Variants in ERBB4 observed in about 807,000 individuals in gnomAD.
ERBB4 encodes receptor tyrosine-protein kinase erbB-4.
In ERBB4, 42 loss-of-function variants were observed where a neutral mutation model predicts 158.0. The observed-to-expected ratio is 0.27, with a 90% CI of 0.21 to 0.34. ERBB4 has a LOEUF of 0.34. Among genes scored for constraint, ERBB4 ranks in the 10% least tolerant of loss-of-function variants. The pLI, the probability that ERBB4 is intolerant of heterozygous loss-of-function variation, is 1.00. For synonymous variants in ERBB4, 583 were observed against 558.7 expected, an observed-to-expected ratio of 1.04 and a Z score of -0.61; for missense variants, 1,333 against 1,624.1, an observed-to-expected ratio of 0.82 and a Z score of 3.08.
At position 211,733,801 on chromosome 2, in the gene ERBB4, G is replaced by A. The variant is rs373987640; in HGVS notation, c.623-8607C>T. Among the ~76,000 whole-genome samples the A allele has an allele frequency of 1.5e-4, 23 of 151,460 alleles. No individual in the cohort carries two copies. The East Asian group carries it at 4.2e-3, about 28-fold the overall frequency. On this transcript the variant is annotated intron_variant, in intron 5 of 27. Coordinates refer to ENST00000342788, the MANE Select transcript of ERBB4 (RefSeq NM_005235.3). ...TTGCAATAAAAATACCCACAGAAGGGCCAGGAGTGGTGGCTCACACCTATA... is the reference window on the plus strand; with the variant it reads ...TTGCAATAAAAATACCCACAGAAGGACCAGGAGTGGTGGCTCACACCTATA...
At chr2:211,661,917 T>C (rs2105910311) in intron 15 of ERBB4, among the ~76,000 whole-genome samples, 1 of 147,754 alleles carries the variant, frequency 6.8e-6, no homozygotes, top group African/African-American at 2.5e-5. Context: ...CGGGCGCCTG[T>C]AGTCCCAGCT....
At chr2:211,923,974 G>A (rs537552789) in intron 3 of ERBB4, among the ~76,000 whole-genome samples, 9 of 152,090 alleles carry the variant, frequency 5.9e-5, no homozygotes, top group African/African-American at 1.7e-4. Flanking sequence ...GACTCACCTC[G>A]GCCTCCCAAA....
intron 3 of ERBB4, among the ~76,000 whole-genome samples, chr2:211,888,669 T>C (rs1021019446): frequency 6.6e-6 from 1 of 151,870 alleles, no homozygotes; most frequent in Non-Finnish European, 1.5e-5. Flanking sequence ...TGCCAGACAG[T>C]GGGCGCAGGC....
chr2:212,185,107 G>C (rs142748018), intron 1 of ERBB4, among the ~76,000 whole-genome samples: 1 of 150,498 alleles, frequency 6.6e-6, no homozygotes, highest in Admixed American at 6.6e-5. Flanking sequence ...TGCAACCTAC[G>C]CTTCCCTGGT....
chr2:212,399,573 T>A (rs180746567), intron 1 of ERBB4, among the ~76,000 whole-genome samples: 7 of 25,358 alleles, frequency 2.8e-4, no homozygotes, highest in South Asian at 1.3e-3. Flanking sequence ...TATATATATA[T>A]ATATATATAT....
At chr2:211,512,863 G>T (rs1048043434) in intron 20 of ERBB4, among the ~76,000 whole-genome samples, 1 of 152,084 alleles carries the variant, frequency 6.6e-6, no homozygotes, top group African/African-American at 2.4e-5. Context: ...CCTTCTAGGT[G>T]TCCATTGCCA....
chr2:212,340,276 A>G (rs1044840211), intron 1 of ERBB4, among the ~76,000 whole-genome samples: 1 of 152,086 alleles, frequency 6.6e-6, no homozygotes, highest in Non-Finnish European at 1.5e-5. Context: ...ATGGTCCCCA[A>G]CCTTTCGGGC....
At position 212,384,777 on chromosome 2, in the gene ERBB4, T is replaced by A. The variant is rs184143903; in HGVS notation, c.82+153672A>T. On this transcript the variant is annotated intron_variant, in intron 1 of 27. Coordinates refer to ENST00000342788, the MANE Select transcript of ERBB4 (RefSeq NM_005235.3). The stretch of plus-strand genomic sequence containing the variant: ...TAAAGGTAATGGGAACCAATATGGA[T>A]TTTCCTAAGAAAACATCTGGCAGTT... Among the ~76,000 whole-genome samples the A allele has an allele frequency of 1.7e-4, 25 of 151,218 alleles. No homozygotes were observed. In the East Asian group the frequency reaches 4.9e-3, roughly 29 times the overall value.
intron 3 of ERBB4, among the ~76,000 whole-genome samples, chr2:211,868,530 A>G (rs2078264696): frequency 6.6e-6 from 1 of 152,198 alleles, no homozygotes; most frequent in Non-Finnish European, 1.5e-5. Context: ...AAAGTATGAT[A>G]ATTGTGAATA....
At chr2:212,166,000 T>G (rs1408168642) in intron 1 of ERBB4, among the ~76,000 whole-genome samples, 1 of 152,106 alleles carries the variant, frequency 6.6e-6, no homozygotes, top group African/African-American at 2.4e-5. Flanking sequence ...TCTATTGTTT[T>G]GGTGACATAA....
At chr2:212,522,669 T>G (rs1173390269) in intron 1 of ERBB4, among the ~76,000 whole-genome samples, 1 of 151,980 alleles carries the variant, frequency 6.6e-6, no homozygotes, top group East Asian at 1.9e-4. Flanking sequence ...GCATTACCTT[T>G]ATTCATTGCC....
intron 1 of ERBB4, among the ~76,000 whole-genome samples, chr2:212,147,851 T>A (rs1210203060): frequency 1.3e-5 from 2 of 152,206 alleles, no homozygotes; most frequent in African/African-American, 4.8e-5. Context: ...AGTTTCTTCA[T>A]ATTTGCAATT....
intron 1 of ERBB4, among the ~76,000 whole-genome samples, chr2:212,335,310 A>T (rs1049387335): frequency 6.6e-6 from 1 of 151,974 alleles, no homozygotes; most frequent in African/African-American, 2.4e-5. Flanking sequence ...TACAAAATTG[A>T]TATGTTTTAA....
intron 1 of ERBB4, among the ~76,000 whole-genome samples, chr2:212,322,156 A>T (rs10188017): frequency 0.12 from 18,166 of 150,278 alleles, 2,376 homozygotes; most frequent in African/African-American, 0.29. Context: ...AAAATATAAA[A>T]ATAGTTAGGC....
intron 1 of ERBB4, among the ~76,000 whole-genome samples, chr2:212,264,547 G>T (rs887778947): frequency 6.6e-6 from 1 of 152,056 alleles, no homozygotes; most frequent in Non-Finnish European, 1.5e-5. Flanking sequence ...AGTTTTTACA[G>T]AGGTCCTGGT....
chr2:211,422,240 G>T, intron 23 of ERBB4, 136 bp from the exon 24 acceptor site: 2 of 643,394 alleles, frequency 3.1e-6, no homozygotes, highest in African/African-American at 3.7e-5. Context: ...AAGCAAGCTA[G>T]TGAAAGAAAC....
intron 19 of ERBB4, among the ~76,000 whole-genome samples, chr2:211,590,780 C>G (rs2068436766): frequency 6.6e-6 from 1 of 152,166 alleles, no homozygotes; most frequent in Non-Finnish European, 1.5e-5. Flanking sequence ...TCGGCTCTTT[C>G]TAGGCAGCAA....
chr2:212,221,899 T>C (rs1224102343), intron 1 of ERBB4, among the ~76,000 whole-genome samples: 1 of 151,494 alleles, frequency 6.6e-6, no homozygotes, highest in African/African-American at 2.4e-5. Context: ...CTCTTGATAT[T>C]TGTAAAGAAT....
chr2:211,506,457 CT>C (rs61387374), intron 20 of ERBB4, among the ~76,000 whole-genome samples: 8,270 of 151,860 alleles, frequency 0.054, 744 homozygotes, highest in African/African-American at 0.19. Flanking sequence ...ACAGAGTATC[CT>C]TTTTTTTCTT....
Sources: gnomAD v4.1 joint callset for allele counts (sites outside exome capture counted in the v4.1 genomes callset) on GRCh38, gnomAD v4.1.1 for gene constraint, MANE v1.5 for transcripts, NCBI Gene and HGNC (gene_info 2026-07-23, HGNC 2026-07-21) for gene names.